Variants in PITPNM3 observed in about 807,000 individuals in gnomAD.
PITPNM3 encodes PITPNM family member 3.
In PITPNM3, 26 loss-of-function variants were observed where a neutral mutation model predicts 102.0. That is an observed-to-expected ratio of 0.25 (90% CI 0.19 to 0.35). The LOEUF (loss-of-function observed/expected upper bound fraction) is 0.35. Among genes scored for constraint, PITPNM3 ranks in the 10% least tolerant of loss-of-function variants. The pLI, the probability that PITPNM3 is intolerant of heterozygous loss-of-function variation, is 1.00. For missense variants in PITPNM3, 1,083 were observed against 1,346.1 expected (o/e 0.80, Z 3.06); for synonymous variants, 578 against 558.6 (o/e 1.03, Z -0.49).
At chr17:6,510,439 G>A (rs559191799) in intron 3 of PITPNM3, among the ~76,000 whole-genome samples, 3 of 152,228 alleles carry the variant, frequency 2.0e-5, no homozygotes, top group South Asian at 2.1e-4. Flanking sequence ...CAGCTCCAGC[G>A]CTACCTCCTC....
At chr17:6,462,986 G>A (rs1414649833) in intron 17 of PITPNM3, among the ~76,000 whole-genome samples, 1 of 152,128 alleles carries the variant, frequency 6.6e-6, no homozygotes, top group Non-Finnish European at 1.5e-5. Flanking sequence ...GCAGTGGGAG[G>A]GGGACTGTGA....
intron 4 of PITPNM3, among the ~76,000 whole-genome samples, chr17:6,495,532 C>T (rs749723027): frequency 6.6e-6 from 1 of 152,184 alleles, no homozygotes; most frequent in African/African-American, 2.4e-5. Flanking sequence ...GAAGACCTGG[C>T]CATCCCATGC....
In PITPNM3 at chr17:6,486,617, G is replaced by A. The variant is rs1906111307; in HGVS notation, c.275-2325C>T. Among the ~76,000 whole-genome samples, 3 of 152,286 alleles carry A rather than the reference G, an allele frequency of 2.0e-5. No homozygotes were observed. In the South Asian group the frequency reaches 6.2e-4, roughly 32 times the overall value. Reference sequence around the variant, plus strand: ...CATTTCCTAAATGATGGAGGAAGAGGGAAAACTCGTCCTGGGGCCCGGCTG... The same window carrying A: ...CATTTCCTAAATGATGGAGGAAGAGAGAAAACTCGTCCTGGGGCCCGGCTG... On this transcript the variant is annotated intron_variant, in intron 4 of 19. Coordinates refer to ENST00000262483, the MANE Select transcript of PITPNM3 (RefSeq NM_031220.4).
At chr17:6,525,515 G>C (rs1269142628) in intron 2 of PITPNM3, 52 bp from the exon 3 acceptor site, 6 of 1,335,682 alleles carry the variant, frequency 4.5e-6, no homozygotes, top group Non-Finnish European at 6.5e-6. Flanking sequence ...GGGATAGGTA[G>C]CCCTATCAGG....
rs140692351 is a variant in PITPNM3 at position 6,479,953 on chromosome 17, G to A, written c.588-1217C>T. ...GGCCATCCGTCTTCCTGGAGATAGG[G>A]GTGACCCAGCTCTGGAGGTCAGATG... On this transcript the variant is annotated intron_variant, in intron 6 of 19. Transcript: ENST00000262483. The A allele has an allele frequency of 1.3e-4, 20 of 152,362 alleles. No individual in the cohort carries two copies. In the East Asian group the frequency reaches 3.5e-3, roughly 26 times the overall value. 9.4% of individuals were successfully genotyped at this position (152,362 alleles called of 1,614,324 possible).
intron 3 of PITPNM3, among the ~76,000 whole-genome samples, chr17:6,521,714 A>G (rs1908533598): frequency 2.0e-5 from 3 of 152,114 alleles, no homozygotes; most frequent in African/African-American, 4.8e-5. Flanking sequence ...AGTGCCAGAA[A>G]CAAAAAAGGA....
At chr17:6,552,911 C>T (rs553837919) in intron 1 of PITPNM3, among the ~76,000 whole-genome samples, 20 of 152,124 alleles carry the variant, frequency 1.3e-4, no homozygotes, top group African/African-American at 4.8e-4. Flanking sequence ...GGACTACAGG[C>T]GCCCACCATC....
intron 4 of PITPNM3, 116 bp from the exon 5 acceptor site, chr17:6,484,408 A>C (rs1003138449): frequency 1.9e-6 from 2 of 1,045,946 alleles, no homozygotes; most frequent in African/African-American, 1.6e-5. Context: ...AGGTGAGCTC[A>C]AGTTAGAGTC....
At chr17:6,483,828 CATGTGCGCAT>C in intron 5 of PITPNM3, 76 bp from the exon 6 acceptor site, 2 of 1,212,930 alleles carry the variant, frequency 1.6e-6, no homozygotes, top group Non-Finnish European at 2.4e-6. Flanking sequence ...CACACACACA[CATGTGCGCAT>C]ACACACACAC....
intron 1 of PITPNM3, among the ~76,000 whole-genome samples, chr17:6,545,977 C>T (rs1458329741): frequency 6.6e-6 from 1 of 152,200 alleles, no homozygotes; most frequent in Non-Finnish European, 1.5e-5. Flanking sequence ...TTAGCAAGGC[C>T]CCCTCTCAGG....
rs900360929 is a variant in PITPNM3, at chr17:6,493,681, G to A, written c.275-9389C>T. 4.6e-5 allele frequency among the ~76,000 whole-genome samples: 7 copies of A among 152,202 alleles called. No individual in the cohort carries two copies. In the East Asian group the frequency reaches 5.8e-4, roughly 13 times the overall value. On this transcript the variant is annotated intron_variant, in intron 4 of 19. Transcript: ENST00000262483. ...GCTTTCAGGGTCAGAATCTAATCAC[G>A]TCCACCTGGATTCATCTGACTAACC...
intron 2 of PITPNM3, among the ~76,000 whole-genome samples, chr17:6,536,032 G>A (rs539450856): frequency 3.7e-4 from 54 of 147,880 alleles, no homozygotes; most frequent in African/African-American, 1.3e-3. Context: ...CCGTTGCACC[G>A]CCACCTGGGC....
At chr17:6,485,492 C>A (rs1906036031) in intron 4 of PITPNM3, among the ~76,000 whole-genome samples, 2 of 152,084 alleles carry the variant, frequency 1.3e-5, no homozygotes, top group Non-Finnish European at 1.5e-5. Flanking sequence ...TGTATATATC[C>A]TTTCGGTCGG....
At chr17:6,494,722 G>A (rs1906700002) in intron 4 of PITPNM3, among the ~76,000 whole-genome samples, 1 of 152,164 alleles carries the variant, frequency 6.6e-6, no homozygotes, top group Admixed American at 6.5e-5. Flanking sequence ...GTAAACATCA[G>A]TATAGCCTCT....
chr17:6,519,723 G>A (rs1402621430), intron 3 of PITPNM3, among the ~76,000 whole-genome samples: 2 of 151,824 alleles, frequency 1.3e-5, no homozygotes, highest in Non-Finnish European at 2.9e-5. Context: ...CTGGCTATTC[G>A]GGAGGCTGAG....
At chr17:6,541,315 G>GTGTGTGTA (rs1412112424) in intron 1 of PITPNM3, among the ~76,000 whole-genome samples, 2 of 151,574 alleles carry the variant, frequency 1.3e-5, no homozygotes, top group Non-Finnish European at 2.9e-5. Context: ...GTGTGTGTGT[G>GTGTGTGTA]TATGCACATC....
At chr17:6,473,002 A>G (rs544108225) in intron 10 of PITPNM3, among the ~76,000 whole-genome samples, 175 bp from the exon 11 acceptor site, 2 of 152,282 alleles carry the variant, frequency 1.3e-5, no homozygotes, top group East Asian at 3.9e-4. Flanking sequence ...CCCACCCAGG[A>G]GCGCAGTGAC....
At chr17:6,527,978 A>C (rs1908930300) in intron 2 of PITPNM3, among the ~76,000 whole-genome samples, 1 of 152,092 alleles carries the variant, frequency 6.6e-6, no homozygotes, top group Non-Finnish European at 1.5e-5. Flanking sequence ...TCTTTTTCCT[A>C]ATCACCAGTA....
intron 4 of PITPNM3, among the ~76,000 whole-genome samples, chr17:6,501,745 G>C (rs1427193992): frequency 6.6e-6 from 1 of 152,190 alleles, no homozygotes; most frequent in East Asian, 1.9e-4. Context: ...GGAGGCGCCT[G>C]TGACACCAGC....
Sources: allele counts gnomAD v4.1 joint callset (sites outside exome capture counted in the v4.1 genomes callset), GRCh38; gene constraint gnomAD v4.1.1; transcripts MANE v1.5; gene names NCBI Gene and HGNC (gene_info 2026-07-23, HGNC 2026-07-21).